The following KIF4A variants were observed in gnomAD, a reference collection of about 807,000 sequenced individuals.
The protein encoded by KIF4A is chromosome-associated kinesin KIF4A.
KIF4A carries 7 observed loss-of-function variants against 105.9 expected under a neutral mutation model. The ratio of observed to expected loss-of-function variants is 0.07; its 90% CI spans 0.04 to 0.12. The LOEUF is 0.12. Ranked by LOEUF, KIF4A falls within the 10% of genes least tolerant of loss-of-function variation. KIF4A has a pLI of 1.00. For missense variants in KIF4A, 558 were observed against 929.2 expected (o/e 0.60, Z 5.19); for synonymous variants, 281 against 331.3 (o/e 0.85, Z 1.65).
chrX:70,290,418 C>T lies in KIF4A; in HGVS notation c.-21-20C>T. On this transcript the variant is annotated intron_variant, in intron 1 of 30. Coordinates refer to ENST00000374403, the MANE Select transcript of KIF4A (RefSeq NM_012310.5). ...GACCTACTAACATTCATCAGCGAGC[C>T]TTCTTTTTCCCCCTCGCAGAGACGG... The T allele has an allele frequency of 8.4e-7, 1 of 1,192,985 alleles. No individual in the cohort carries two copies. The highest frequency in any genetic ancestry group is 1.1e-6 in the Non-Finnish European group (1 of 885,333).
At chrX:70,370,563 T>C (rs946863495) in intron 15 of KIF4A, among the ~76,000 whole-genome samples, 3 of 109,238 alleles carry the variant, frequency 2.7e-5, no homozygotes, top group Non-Finnish European at 5.7e-5. Flanking sequence ...GAATATAGAA[T>C]AAATGTAGAA....
intron 10 of KIF4A, among the ~76,000 whole-genome samples, chrX:70,334,205 T>A (rs965902796): frequency 1.3e-4 from 14 of 111,747 alleles, no homozygotes; most frequent in African/African-American, 4.6e-4. Context: ...AAATTGTGTT[T>A]AGAAGCCAAG....
chrX:70,413,320 A>G (rs1421833439), intron 28 of KIF4A, among the ~76,000 whole-genome samples: 1 of 112,149 alleles, frequency 8.9e-6, no homozygotes. Flanking sequence ...AGAATGTGGG[A>G]TGGGAAAAGA....
At chrX:70,294,945 G>T (rs909309314) in intron 3 of KIF4A, among the ~76,000 whole-genome samples, 1 of 111,522 alleles carries the variant, frequency 9.0e-6, no homozygotes, top group Admixed American at 9.5e-5. Flanking sequence ...ATAGTGGCGC[G>T]TGCCTGTAGT....
intron 15 of KIF4A, among the ~76,000 whole-genome samples, chrX:70,368,196 A>T (rs760489434): frequency 9.0e-6 from 1 of 111,379 alleles, no homozygotes; most frequent in Admixed American, 9.5e-5. Context: ...ATGGGTTCGA[A>T]CTTCCTCCTT....
At chrX:70,359,638 G>A (rs979801793) in intron 15 of KIF4A, among the ~76,000 whole-genome samples, 2 of 110,574 alleles carry the variant, frequency 1.8e-5, no homozygotes, top group Non-Finnish European at 3.8e-5. Context: ...CAAGACAGCT[G>A]TCTGAGCACC....
chrX:70,415,323 T>C (rs748714167), intron 28 of KIF4A: 26 of 274,612 alleles, frequency 9.5e-5, no homozygotes, highest in South Asian at 8.6e-4. Context: ...AAAACTCTTA[T>C]GTGTGGCTAG....
intron 28 of KIF4A, among the ~76,000 whole-genome samples, chrX:70,410,007 G>A (rs765119338): frequency 4.1e-4 from 46 of 111,218 alleles, no homozygotes; most frequent in East Asian, 1.7e-3. Flanking sequence ...TAAATCCTAC[G>A]TCTAAAACAA....
chrX:70,342,227 C>G (rs2085975227), intron 11 of KIF4A, among the ~76,000 whole-genome samples: 1 of 112,146 alleles, frequency 8.9e-6, no homozygotes, highest in Admixed American at 9.4e-5. Context: ...CCAAGTACCT[C>G]TGTCACCTTA....
chrX:70,370,733 C>T (rs1056619864), intron 15 of KIF4A, among the ~76,000 whole-genome samples: 6 of 109,161 alleles, frequency 5.5e-5, no homozygotes, highest in African/African-American at 1.3e-4. Context: ...CTCAGGAGTT[C>T]GAGACCAGCC....
At chrX:70,361,891 A>T (rs2086077252) in intron 15 of KIF4A, among the ~76,000 whole-genome samples, 1 of 112,180 alleles carries the variant, frequency 8.9e-6, no homozygotes, top group East Asian at 2.8e-4. Flanking sequence ...TGGCTCCGGA[A>T]GCTGAGCCAT....
intron 7 of KIF4A, among the ~76,000 whole-genome samples, chrX:70,307,720 T>G (rs769953790): frequency 1.9e-4 from 21 of 112,147 alleles, no homozygotes; most frequent in Admixed American, 6.6e-4. Flanking sequence ...ATTGATATGG[T>G]ATACTGCATT....
chrX:70,362,213 T>C (rs1177909640), intron 15 of KIF4A: 1 of 331,440 alleles, frequency 3.0e-6, no homozygotes, highest in Non-Finnish European at 5.9e-6. Context: ...GATAGACCTC[T>C]CTCTGGTTGA....
intron 10 of KIF4A, among the ~76,000 whole-genome samples, chrX:70,341,347 CTGAGCAG>C (rs1307560377): frequency 9.0e-6 from 1 of 111,433 alleles, no homozygotes; most frequent in East Asian, 2.8e-4. Context: ...AATTTTGACC[CTGAGCAG>C]TGTCACTTCT....
At chrX:70,372,823 T>C (rs2086145800) in intron 15 of KIF4A, among the ~76,000 whole-genome samples, 1 of 113,167 alleles carries the variant, frequency 8.8e-6, no homozygotes. Context: ...TACCTTTTTA[T>C]CTTATTTGAT....
chrX:70,418,962 A>G (rs1408765002), intron 29 of KIF4A, among the ~76,000 whole-genome samples: 6 of 110,707 alleles, frequency 5.4e-5, no homozygotes, highest in Non-Finnish European at 7.6e-5. Flanking sequence ...GTGGGTGCCT[A>G]TAGTCCCAGC....
In KIF4A at chrX:70,420,210, C is replaced by A. The variant is rs754571745; in HGVS notation, c.3644C>A (p.Ala1215Asp). The A allele has an allele frequency of 6.6e-6, 8 of 1,210,500 alleles. No homozygotes were observed. The highest frequency in any genetic ancestry group is 8.9e-6 in the Non-Finnish European group (8 of 895,213). ...GGGAAGAAAAAGAAACGGGCTCTGG[C>A]CAGCAACACCAGCTTCTTCTCTGGC... ...APGKKKKRALASNTSFFSGCS... is the reference protein window; with the variant it reads ...APGKKKKRALDSNTSFFSGCS... The change falls in exon 31 of 31, where the codon GCC (alanine) becomes GAC (aspartate). Residue 1215 changes from alanine to aspartate, a missense_variant. By Grantham distance (126) the Ala-to-Asp change is moderately radical. Coordinates refer to ENST00000374403, the MANE Select transcript of KIF4A (RefSeq NM_012310.5).
At chrX:70,406,494 T>C in intron 27 of KIF4A, 140 bp downstream of exon 27, 1 of 496,716 alleles carries the variant, frequency 2.0e-6, no homozygotes, top group Non-Finnish European at 3.4e-6. Context: ...CAGATAAAAC[T>C]ACAGTTCAAT....
chrX:70,290,275 T>C, intron 1 of KIF4A, 125 bp downstream of exon 1: 1 of 531,840 alleles, frequency 1.9e-6, no homozygotes, highest in Non-Finnish European at 2.9e-6. Flanking sequence ...GCACTCTCTT[T>C]AGAGTGCAGG....
Sources: allele counts gnomAD v4.1 joint callset (sites outside exome capture counted in the v4.1 genomes callset), GRCh38; gene constraint gnomAD v4.1.1; transcripts MANE v1.5; gene names NCBI Gene and HGNC (gene_info 2026-07-23, HGNC 2026-07-21).